Variants in CTDSPL2 observed in about 807,000 individuals in gnomAD.
CTDSPL2 encodes the protein CTD small phosphatase-like protein 2.
A neutral mutation model predicts 60.0 loss-of-function variants in CTDSPL2; 5 were observed. The observed-to-expected ratio is 0.08, with a 90% CI of 0.04 to 0.18. The LOEUF is 0.18. Among genes scored for constraint, CTDSPL2 ranks in the 10% least tolerant of loss-of-function variants. The pLI, the probability that CTDSPL2 is intolerant of heterozygous loss-of-function variation, is 1.00. For missense variants in CTDSPL2, 370 were observed against 548.8 expected (o/e 0.67, Z 3.26); for synonymous variants, 186 against 189.3 (o/e 0.98, Z 0.14).
At chr15:44,429,066 G>A (rs561439818) in intron 1 of CTDSPL2, among the ~76,000 whole-genome samples, 4 of 152,106 alleles carry the variant, frequency 2.6e-5, no homozygotes, top group Middle Eastern at 3.4e-3. Flanking sequence ...TATAACTCAG[G>A]TTTTCAGTTC....
chr15:44,518,008 G>A (rs568728675), intron 10 of CTDSPL2, among the ~76,000 whole-genome samples: 27 of 152,196 alleles, frequency 1.8e-4, no homozygotes, highest in African/African-American at 2.6e-4. Context: ...TTGTCTGTTC[G>A]TTAAATTCTT....
chr15:44,441,581 T>C (rs2080086795), intron 1 of CTDSPL2, among the ~76,000 whole-genome samples: 1 of 152,122 alleles, frequency 6.6e-6, no homozygotes, highest in Admixed American at 6.5e-5. Flanking sequence ...TTTACCTGGT[T>C]TTATGGAACC....
At position 44,521,295 on chromosome 15, in the gene CTDSPL2, T is replaced by G. The variant is rs754977284; in HGVS notation, c.1240-16T>G. The G allele has an allele frequency of 3.3e-6, 4 of 1,209,176 alleles. No homozygotes were observed. Among genetic ancestry groups the G allele is most frequent in the Non-Finnish European group, 4.8e-6 (4 of 838,860 alleles). 74.9% of individuals were successfully genotyped at this position (1,209,176 alleles called of 1,614,324 possible). A position where few individuals can be genotyped will look rare whatever the true frequency, so the allele number is the denominator to read the frequency against. The stretch of plus-strand genomic sequence containing the variant: ...TATAAGTAAAAGAGGATTTAATTAC[T>G]TATTTATTGTTTTAGCTTTCTAATG... On this transcript the variant is annotated splice_polypyrimidine_tract_variant and intron_variant, in intron 11 of 12. Coordinates refer to ENST00000260327, the MANE Select transcript of CTDSPL2 (RefSeq NM_016396.3).
intron 8 of CTDSPL2, among the ~76,000 whole-genome samples, chr15:44,512,748 T>G (rs2081586814): frequency 6.6e-6 from 1 of 152,176 alleles, no homozygotes; most frequent in African/African-American, 2.4e-5. Flanking sequence ...TGGTTCTTTT[T>G]TTCTGCTTTG....
intron 1 of CTDSPL2, chr15:44,448,444 C>T (rs934600232): frequency 8.2e-6 from 2 of 243,002 alleles, no homozygotes; most frequent in South Asian, 5.6e-5. Flanking sequence ...CATGCTGGCA[C>T]CCCCAGTGTA....
Position 44,514,586 on chromosome 15 carries a change from G to A in CTDSPL2, c.970-12G>A. ...TGTTTATTTGCTGAAACTTATCTTT[G>A]TATTTCCTTAGGTTTATGTGAGATT... On this transcript the variant is annotated splice_polypyrimidine_tract_variant and intron_variant, in intron 8 of 12. Transcript: ENST00000260327. 1 of 1,549,208 alleles carries A rather than the reference G, an allele frequency of 6.5e-7. No individual in the cohort carries two copies. Among genetic ancestry groups the A allele is most frequent in the Non-Finnish European group, 8.9e-7 (1 of 1,121,794 alleles).
intron 2 of CTDSPL2, among the ~76,000 whole-genome samples, chr15:44,473,982 C>T (rs185371445): frequency 1.3e-5 from 2 of 152,246 alleles, no homozygotes; most frequent in African/African-American, 4.8e-5. Flanking sequence ...GTTTGCATCA[C>T]CACACCGGGC....
intron 1 of CTDSPL2, among the ~76,000 whole-genome samples, chr15:44,454,523 T>A (rs1037682095): frequency 3.9e-5 from 6 of 152,190 alleles, no homozygotes; most frequent in East Asian, 1.9e-4. Flanking sequence ...CTGAATGGTA[T>A]TGCCTAGGTT....
intron 2 of CTDSPL2, among the ~76,000 whole-genome samples, chr15:44,465,712 CTTTTTT>C (rs772862374): frequency 1.6e-5 from 2 of 128,034 alleles, no homozygotes; most frequent in Non-Finnish European, 3.3e-5. Flanking sequence ...TCCTCCTCCT[CTTTTTT>C]TTTTTTTTTT....
intron 4 of CTDSPL2, among the ~76,000 whole-genome samples, chr15:44,488,725 A>G (rs1208481133): frequency 1.3e-5 from 2 of 152,154 alleles, no homozygotes; most frequent in Non-Finnish European, 2.9e-5. Context: ...AGGCTGAGGC[A>G]GGAGAATTGC....
Position 44,513,246 on chromosome 15 carries a change from A to C in CTDSPL2, c.970-1352A>C, listed in dbSNP as rs962710028. 2.6e-5 allele frequency among the ~76,000 whole-genome samples: 4 copies of C among 152,216 alleles called. No individual in the cohort carries two copies. In the East Asian group the frequency reaches 7.7e-4, roughly 29 times the overall value. On this transcript the variant is annotated intron_variant, in intron 8 of 12. Coordinates refer to ENST00000260327, the MANE Select transcript of CTDSPL2 (RefSeq NM_016396.3). ...TTTGGGAGGCCAAGACGGGCGGATCACCTGAGGTCAGGAGTTTGAGACCAG... is the reference window on the plus strand; with the variant it reads ...TTTGGGAGGCCAAGACGGGCGGATCCCCTGAGGTCAGGAGTTTGAGACCAG...
intron 11 of CTDSPL2, chr15:44,520,775 T>G (rs2081752431): frequency 6.6e-6 from 1 of 152,196 alleles, no homozygotes; most frequent in South Asian, 2.1e-4. Flanking sequence ...AAATATGGCT[T>G]GCATTCTTGT....
intron 2 of CTDSPL2, among the ~76,000 whole-genome samples, chr15:44,480,229 C>T (rs866670935): frequency 1.3e-5 from 2 of 152,176 alleles, no homozygotes; most frequent in Admixed American, 1.3e-4. Flanking sequence ...CAACTCCCCT[C>T]CCCCTTATTT....
intron 1 of CTDSPL2, among the ~76,000 whole-genome samples, chr15:44,440,566 C>T (rs1053179704): frequency 3.3e-5 from 5 of 151,994 alleles, no homozygotes; most frequent in Non-Finnish European, 7.4e-5. Flanking sequence ...TTTTTCCTTC[C>T]TAATAATGGT....
chr15:44,480,484 C>T (rs544419584), intron 2 of CTDSPL2, among the ~76,000 whole-genome samples: 2 of 152,032 alleles, frequency 1.3e-5, no homozygotes, highest in Non-Finnish European at 2.9e-5. Flanking sequence ...GTTTTTCTTG[C>T]CTTTTCAGTT....
At chr15:44,449,931 C>T (rs2080300464) in intron 1 of CTDSPL2, among the ~76,000 whole-genome samples, 1 of 150,638 alleles carries the variant, frequency 6.6e-6, no homozygotes. Context: ...GTGGAGGTTG[C>T]AGTGAGCTGA....
chr15:44,436,505 C>G (rs2079984946), intron 1 of CTDSPL2, among the ~76,000 whole-genome samples: 2 of 152,054 alleles, frequency 1.3e-5, no homozygotes, highest in Admixed American at 1.3e-4. Flanking sequence ...TGTGAAATGC[C>G]AGATCTGATG....
chr15:44,435,561 C>G (rs1357223268), intron 1 of CTDSPL2, among the ~76,000 whole-genome samples: 2 of 148,758 alleles, frequency 1.3e-5, no homozygotes, highest in African/African-American at 4.9e-5. Context: ...GAGAGAAACT[C>G]TGTCTCAAAA....
chr15:44,507,665 C>G (rs1595770681), intron 8 of CTDSPL2, among the ~76,000 whole-genome samples: 1 of 152,150 alleles, frequency 6.6e-6, no homozygotes, highest in South Asian at 2.1e-4. Flanking sequence ...AACATGTGAA[C>G]TAAATTAAAC....
Sources: gnomAD v4.1 joint callset for allele counts (sites outside exome capture counted in the v4.1 genomes callset) on GRCh38, gnomAD v4.1.1 for gene constraint, MANE v1.5 for transcripts, NCBI Gene and HGNC (gene_info 2026-07-23, HGNC 2026-07-21) for gene names.